The following TLE4 variants were observed in gnomAD, a reference collection of about 807,000 sequenced individuals.
TLE4 encodes transducin-like enhancer protein 4.
TLE4 carries 8 observed loss-of-function variants against 92.8 expected under a neutral mutation model. The ratio of observed to expected loss-of-function variants is 0.09; its 90% CI spans 0.05 to 0.16. The LOEUF is 0.16. TLE4 is among the 10% of genes least tolerant of loss of function. The probability of loss-of-function intolerance (pLI) is 1.00; values close to 1 mark genes in which losing one functional copy is unlikely to be tolerated. For synonymous variants in TLE4, 371 were observed against 374.1 expected, an observed-to-expected ratio of 0.99 and a Z score of 0.10; for missense variants, 675 against 997.6, an observed-to-expected ratio of 0.68 and a Z score of 4.36.
At position 79,582,594 on chromosome 9, in the gene TLE4, T is replaced by G. The variant is rs968055778; in HGVS notation, c.252+6417T>G. ...AGGAAACCAGTTGGGAATTAAATGT[T>G]TAAAAAATGCATTTATAAGTTATTT... On this transcript the variant is annotated intron_variant, in intron 4 of 19. Transcript: ENST00000376552. 2.0e-5 allele frequency among the ~76,000 whole-genome samples: 3 copies of G among 152,132 alleles called. No homozygotes were observed. In the South Asian group the frequency reaches 6.2e-4, roughly 31 times the overall value.
At chr9:79,657,087 GAAT>G (rs2059886132) in intron 8 of TLE4, among the ~76,000 whole-genome samples, 1 of 152,298 alleles carries the variant, frequency 6.6e-6, no homozygotes, top group South Asian at 2.1e-4. Flanking sequence ...AGGAGCCCAA[GAAT>G]CAGTTTCCTT....
At chr9:79,576,224 C>T (rs775507662) in intron 4 of TLE4, 47 bp downstream of exon 4, 7 of 1,335,448 alleles carry the variant, frequency 5.2e-6, no homozygotes, top group African/African-American at 1.5e-5. Flanking sequence ...AATACTGGGA[C>T]ACTATGAAAA....
intron 6 of TLE4, among the ~76,000 whole-genome samples, chr9:79,631,078 A>C (rs1461859237): frequency 6.6e-6 from 1 of 152,198 alleles, no homozygotes; most frequent in Non-Finnish European, 1.5e-5. Flanking sequence ...TAGGAATTGC[A>C]GTTTAGCACA....
chr9:79,651,647 A>T (rs2059017467), intron 6 of TLE4, among the ~76,000 whole-genome samples: 1 of 152,166 alleles, frequency 6.6e-6, no homozygotes, highest in African/African-American at 2.4e-5. Flanking sequence ...AGCATTATTG[A>T]GCAAGCCTAC....
chr9:79,718,945 A>G lies in TLE4; in HGVS notation c.1564A>G (p.Ser522Gly). The change falls in exon 15 of 20, where the codon AGT (serine) becomes GGT (glycine). Residue 522 changes from serine to glycine, a missense_variant. Transcript: ENST00000376552. ...VWDISHPGNK[S>G]PVSQLDCLNR... ...GGACATCAGCCACCCAGGCAATAAG[A>G]GTCCTGTCTCCCAGCTCGACTGTCT... is the stretch of plus-strand genomic sequence containing the variant. The G allele has an allele frequency of 6.2e-7, 1 of 1,611,678 alleles. No individual in the cohort carries two copies. The highest frequency in any genetic ancestry group is 8.5e-7 in the Non-Finnish European group (1 of 1,177,964).
At chr9:79,587,700 C>T (rs2041481025) in intron 4 of TLE4, among the ~76,000 whole-genome samples, 1 of 152,158 alleles carries the variant, frequency 6.6e-6, no homozygotes, top group South Asian at 2.1e-4. Context: ...AACCTAGAAC[C>T]ATCTGCTGTG....
chr9:79,653,617 T>G (rs79311297), intron 7 of TLE4, among the ~76,000 whole-genome samples: 1,689 of 152,302 alleles, frequency 0.011, 38 homozygotes, highest in African/African-American at 0.038. Context: ...GAAGGGTGTG[T>G]TTCATAATTA....
chr9:79,579,143 T>TA (rs2131967567), intron 4 of TLE4, among the ~76,000 whole-genome samples: 1 of 152,296 alleles, frequency 6.6e-6, no homozygotes, highest in South Asian at 2.1e-4. Flanking sequence ...TCCCTAAGTG[T>TA]ATGGTTTTTG....
At chr9:79,627,998 C>CA (rs1269206514) in intron 6 of TLE4, among the ~76,000 whole-genome samples, 2 of 151,746 alleles carry the variant, frequency 1.3e-5, no homozygotes, top group Non-Finnish European at 2.9e-5. Flanking sequence ...TCCTTCCTGG[C>CA]AATAGTGGCA....
intron 15 of TLE4, 82 bp from the exon 16 acceptor site, chr9:79,719,964 T>C (rs770982268): frequency 3.8e-5 from 57 of 1,512,610 alleles, no homozygotes; most frequent in Middle Eastern, 1.9e-4. Context: ...GGGAACACAA[T>C]ACTTTTATGG....
chr9:79,603,755 A>G (rs1760375691), intron 4 of TLE4, among the ~76,000 whole-genome samples: 1 of 152,172 alleles, frequency 6.6e-6, no homozygotes, highest in South Asian at 2.1e-4. Flanking sequence ...ATGAGATTCT[A>G]ACCACCTAAA....
intron 19 of TLE4, among the ~76,000 whole-genome samples, chr9:79,723,919 A>G (rs961596714): frequency 2.6e-5 from 4 of 152,246 alleles, no homozygotes; most frequent in East Asian, 1.9e-4. Flanking sequence ...CATTTTTTAT[A>G]GTAAGCATAA....
intron 4 of TLE4, among the ~76,000 whole-genome samples, chr9:79,583,149 C>G (rs953534123): frequency 2.0e-5 from 3 of 152,142 alleles, no homozygotes; most frequent in African/African-American, 4.8e-5. Flanking sequence ...TATATACCCT[C>G]TCTCTTTTCA....
intron 6 of TLE4, among the ~76,000 whole-genome samples, chr9:79,643,662 G>C (rs7046320): frequency 2.6e-5 from 4 of 152,062 alleles, no homozygotes; most frequent in African/African-American, 9.7e-5. Context: ...AGTGTTTTTA[G>C]TAGGAATACT....
At chr9:79,667,236 GT>G (rs1401319343) in intron 8 of TLE4, among the ~76,000 whole-genome samples, 4 of 152,166 alleles carry the variant, frequency 2.6e-5, no homozygotes, top group Non-Finnish European at 5.9e-5. Context: ...CCAGCTCATG[GT>G]GTAGAGGCCA....
intron 14 of TLE4, among the ~76,000 whole-genome samples, chr9:79,714,669 T>C (rs575650137): frequency 1.3e-5 from 2 of 152,374 alleles, no homozygotes; most frequent in South Asian, 2.1e-4. Context: ...TGACCTGATA[T>C]TGTCATTTCT....
intron 8 of TLE4, among the ~76,000 whole-genome samples, chr9:79,661,446 C>CT (rs2060522262): frequency 6.6e-6 from 1 of 152,156 alleles, no homozygotes; most frequent in African/African-American, 2.4e-5. Context: ...TTAATAAGGG[C>CT]TGTAATTTTG....
chr9:79,684,176 A>T (rs1259425472), intron 8 of TLE4, among the ~76,000 whole-genome samples: 1 of 152,208 alleles, frequency 6.6e-6, no homozygotes, highest in Non-Finnish European at 1.5e-5. Flanking sequence ...CTGGTATGAA[A>T]TCGAAAGCAT....
At chr9:79,620,716 C>G (rs150297526) in intron 5 of TLE4, among the ~76,000 whole-genome samples, 426 of 152,248 alleles carry the variant, frequency 2.8e-3, no homozygotes, top group African/African-American at 9.2e-3. Context: ...GCTGTTCTTG[C>G]ATTGCTATAA....
Sources: gnomAD v4.1 joint callset for allele counts (sites outside exome capture counted in the v4.1 genomes callset) on GRCh38, gnomAD v4.1.1 for gene constraint, MANE v1.5 for transcripts, NCBI Gene and HGNC (gene_info 2026-07-23, HGNC 2026-07-21) for gene names.